Variants in KIF5A observed in about 807,000 individuals in gnomAD.
KIF5A encodes kinesin heavy chain isoform 5A.
KIF5A carries 35 observed loss-of-function variants against 141.3 expected under a neutral mutation model. The observed-to-expected ratio is 0.25, with a 90% CI of 0.19 to 0.33. The LOEUF (loss-of-function observed/expected upper bound fraction) is 0.33. Ranked by LOEUF, KIF5A falls within the 10% of genes least tolerant of loss-of-function variation. The pLI is 1.00. For synonymous variants in KIF5A, 448 were observed against 500.2 expected (o/e 0.90, Z 1.39); for missense variants, 861 against 1,314.3 (o/e 0.66, Z 5.33).
chr12:57,578,368 A>G, intron 23 of KIF5A, 26 bp downstream of exon 23: 1 of 1,511,350 alleles, frequency 6.6e-7, no homozygotes, highest in East Asian at 2.3e-5. Context: ...AGGAGTGAAG[A>G]GAATTTTTGA....
At chr12:57,564,234 G>A (rs1881995720) in intron 4 of KIF5A, 22 bp downstream of exon 4, 1 of 1,521,544 alleles carries the variant, frequency 6.6e-7, no homozygotes, top group Admixed American at 1.7e-5. Flanking sequence ...ACGACAGCTG[G>A]GCATTCAGAT....
In KIF5A at chr12:57,568,992, G is replaced by A; in HGVS notation, c.744G>A (p.Val248=). Residue 248 remains valine, a synonymous_variant, in exon 9 of 29, where the codon GTG becomes GTA. Transcript: ENST00000455537. ...KVSKTGAEGA[V]LDEAKNINKS... is the part of the protein sequence containing the mutation. ...GCAAGACTGGAGCAGAGGGAGCCGT[G>A]CTGGACGAGGCAAAGAATATCAACA... 6.2e-7 allele frequency: 1 copy of A among 1,613,984 alleles called. No individual in the cohort carries two copies. The highest frequency in any genetic ancestry group is 8.5e-7 in the Non-Finnish European group (1 of 1,180,002).
chr12:57,580,843 C>A, intron 23 of KIF5A, 113 bp from the exon 24 acceptor site: 1 of 915,140 alleles, frequency 1.1e-6, no homozygotes, highest in Non-Finnish European at 1.7e-6. Context: ...TCTTCTCTGA[C>A]TCCTGATTTT....
At chr12:57,558,945 T>G in intron 1 of KIF5A, among the ~76,000 whole-genome samples, 1 of 152,090 alleles carries the variant, frequency 6.6e-6, no homozygotes, top group Non-Finnish European at 1.5e-5. Flanking sequence ...CCTGGCTATT[T>G]TTTTTTAATT....
At chr12:57,577,868 T>C in intron 21 of KIF5A, 95 bp downstream of exon 21, 1 of 1,275,788 alleles carries the variant, frequency 7.8e-7, no homozygotes, top group South Asian at 1.2e-5. Flanking sequence ...TTTGCAGCCA[T>C]TCTGTAGCGT....
chr12:57,559,745 A>G (rs573734130), intron 1 of KIF5A, among the ~76,000 whole-genome samples: 3 of 152,312 alleles, frequency 2.0e-5, no homozygotes, highest in African/African-American at 7.2e-5. Context: ...TTTGACTTCT[A>G]GCACTACAGA....
At chr12:57,562,054 C>T (rs546176365) in intron 1 of KIF5A, among the ~76,000 whole-genome samples, 1 of 152,210 alleles carries the variant, frequency 6.6e-6, no homozygotes, top group African/African-American at 2.4e-5. Context: ...CTCATTTACT[C>T]GTCCCAGAGA....
At chr12:57,561,380 C>T (rs1028957017) in intron 1 of KIF5A, among the ~76,000 whole-genome samples, 4 of 152,122 alleles carry the variant, frequency 2.6e-5, no homozygotes, top group African/African-American at 9.7e-5. Flanking sequence ...CACTGGAATC[C>T]TGGTGCAGAC....
At chr12:57,579,150 C>T (rs1215305304) in intron 23 of KIF5A, among the ~76,000 whole-genome samples, 3 of 152,100 alleles carry the variant, frequency 2.0e-5, no homozygotes, top group African/African-American at 7.2e-5. Flanking sequence ...AAGTTGCTGC[C>T]TCTCTGTCCC....
intron 1 of KIF5A, among the ~76,000 whole-genome samples, chr12:57,556,268 A>C (rs1349725847): frequency 6.6e-6 from 1 of 151,826 alleles, no homozygotes; most frequent in Admixed American, 6.6e-5. Flanking sequence ...CCTCCCAAGC[A>C]GCTGGGACTA....
rs552427920 is a variant in KIF5A at position 57,569,643 on chromosome 12, G to A, written c.1077G>A (p.Thr359=). The A allele has an allele frequency of 1.2e-6, 2 of 1,614,080 alleles. No homozygotes were observed. The highest frequency in any genetic ancestry group is 1.7e-5 in the Admixed American group (1 of 60,026). The change falls in exon 11 of 29, where the codon ACG becomes ACA. Residue 359 remains threonine (T), a synonymous_variant. Transcript: ENST00000455537. ...AGAAGACAAAGGCCCAGAAGGAGAC[G>A]ATTGCGAAGCTGGAGGCTGAGCTGA... ...EKEKTKAQKE[T]IAKLEAELSR... is the part of the protein sequence containing the mutation.
chr12:57,575,587 G>T (rs1594922169), intron 16 of KIF5A, 53 bp from the exon 17 acceptor site: 1 of 1,426,662 alleles, frequency 7.0e-7, no homozygotes, highest in South Asian at 1.1e-5. Flanking sequence ...TGTGTGGCCT[G>T]GGTTTGTGTC....
intron 26 of KIF5A, 65 bp from the exon 27 acceptor site, chr12:57,582,537 G>A (rs1448232873): frequency 2.1e-5 from 28 of 1,352,218 alleles, no homozygotes; most frequent in Non-Finnish European, 3.0e-5. Context: ...TGCGCAAACT[G>A]TTTCTAACAC....
chr12:57,573,739 G>A (rs776540412), intron 15 of KIF5A, among the ~76,000 whole-genome samples: 168 of 151,250 alleles, frequency 1.1e-3, no homozygotes, highest in Middle Eastern at 3.4e-3. Context: ...TGAGGCAGGG[G>A]AATCGCTTGA....
At chr12:57,563,075 C>T (rs1241522347) in intron 1 of KIF5A, among the ~76,000 whole-genome samples, 1 of 150,956 alleles carries the variant, frequency 6.6e-6, no homozygotes, top group Non-Finnish European at 1.5e-5. Context: ...GGCGCAATCT[C>T]GGCTCACTGC....
chr12:57,569,585 A>G lies in KIF5A; in HGVS notation c.1019A>G (p.Glu340Gly), dbSNP rs1719991785. ...TCAGTAAATTTGGAGTTGACTGCTG[A>G]GCAGTGGAAGAAGAAATATGAGAAG... ...TASVNLELTA[E>G]QWKKKYEKEK... Residue 340 changes from glutamate (E) to glycine (G), a missense_variant, in exon 11 of 29, where the codon GAG (glutamate) becomes GGG (glycine). Glu to Gly is a moderately conservative substitution (Grantham distance 98). Coordinates refer to ENST00000455537, the MANE Select transcript of KIF5A (RefSeq NM_004984.4). 6.2e-7 allele frequency: 1 copy of G among 1,614,164 alleles called. No homozygotes were observed. The highest frequency in any genetic ancestry group is 1.3e-5 in the African/African-American group (1 of 75,060).
At chr12:57,568,584 G>A (rs1156986481) in intron 8 of KIF5A, among the ~76,000 whole-genome samples, 1 of 152,136 alleles carries the variant, frequency 6.6e-6, no homozygotes, top group Non-Finnish European at 1.5e-5. Context: ...AATTAGCTGG[G>A]CGTGGTGGCA....
At chr12:57,558,851 C>CCTCGAAGGTGG (rs1881824059) in intron 1 of KIF5A, among the ~76,000 whole-genome samples, 1 of 152,188 alleles carries the variant, frequency 6.6e-6, no homozygotes, top group Admixed American at 6.5e-5. Context: ...TCATGGCTCA[C>CCTCGAAGGTGG]TGCAACCTTC....
chr12:57,573,656 T>A (rs902226783), intron 15 of KIF5A, among the ~76,000 whole-genome samples: 1 of 151,256 alleles, frequency 6.6e-6, no homozygotes. Flanking sequence ...ATGGAGAAAC[T>A]CCGTGTCTAC....
Sources: allele counts gnomAD v4.1 joint callset (sites outside exome capture counted in the v4.1 genomes callset), GRCh38; gene constraint gnomAD v4.1.1; transcripts MANE v1.5; gene names NCBI Gene and HGNC (gene_info 2026-07-23, HGNC 2026-07-21).